The following NBPF12 variants were observed in gnomAD, a reference collection of about 807,000 sequenced individuals.
The protein encoded by NBPF12 is NBPF member 12, also known as NBPF family member NBPF12.
A neutral mutation model predicts 146.4 loss-of-function variants in NBPF12; 115 were observed. The ratio of observed to expected loss-of-function variants is 0.79; its 90% CI spans 0.68 to 0.92. NBPF12 has a LOEUF of 0.92. Among genes scored for constraint, NBPF12 ranks in the 40% least tolerant of loss-of-function variants. NBPF12 has a pLI of 0.00. For synonymous variants in NBPF12, 385 were observed against 508.9 expected, an observed-to-expected ratio of 0.76 and a Z score of 3.28; for missense variants, 1,205 against 1,326.8, an observed-to-expected ratio of 0.91 and a Z score of 1.43.
At chr1:146,976,431 G>A (rs1657026916) in intron 16 of NBPF12, among the ~76,000 whole-genome samples, 2 of 127,326 alleles carry the variant, frequency 1.6e-5, no homozygotes, top group Non-Finnish European at 3.2e-5. Flanking sequence ...GGGGCATTTT[G>A]TGGTAGGAAG....
chr1:146,966,431 A>G (rs1656215347), intron 8 of NBPF12, 33 bp from the exon 12 acceptor site: 4 of 1,334,834 alleles, frequency 3.0e-6, no homozygotes, highest in Non-Finnish European at 4.3e-6. Context: ...ACCAGTTTTT[A>G]ACCCATCATG....
Position 146,940,148 on chromosome 1 carries a change from G to T in NBPF12, c.-822+1166G>T, listed in dbSNP as rs1167925905. ...TGTTCTGAGCTGTTATGCATTAATA[G>T]CTTTCTTTTTGTTTTTGAATTTAAT... On this transcript the variant is annotated intron_variant, in intron 1 of 35. Transcript: ENST00000617931. Among the ~76,000 whole-genome samples the T allele has an allele frequency of 2.0e-5, 3 of 152,024 alleles. No homozygotes were observed. In the East Asian group the frequency reaches 5.8e-4, roughly 29 times the overall value.
upstream of NBPF12, among the ~76,000 whole-genome samples, chr1:146,944,629 T>C (rs1380887241): frequency 6.6e-6 from 1 of 151,736 alleles, no homozygotes. Flanking sequence ...AGGAATAATG[T>C]GTTTCAGGAG....
At chr1:146,962,653 C>T (rs1655929211) in intron 5 of NBPF12, among the ~76,000 whole-genome samples, 1 of 150,838 alleles carries the variant, frequency 6.6e-6, no homozygotes, top group African/African-American at 2.5e-5. Flanking sequence ...TCAATGTTGC[C>T]TTCTTGACCC....
At chr1:146,954,415 G>T (rs1189244289) in intron 2 of NBPF12, among the ~76,000 whole-genome samples, 1 of 109,276 alleles carries the variant, frequency 9.2e-6, no homozygotes, top group African/African-American at 3.3e-5. Context: ...AAAAAAAAAG[G>T]AAAGTCAACA....
chr1:146,970,477 C>T (rs1481530229), intron 11 of NBPF12, among the ~76,000 whole-genome samples, 170 bp from the exon 15 acceptor site: 70 of 151,212 alleles, frequency 4.6e-4, no homozygotes, highest in Admixed American at 4.6e-4. Context: ...AAATGCATTG[C>T]CTGATGGACC....
intron 31 of NBPF12, among the ~76,000 whole-genome samples, chr1:146,992,488 G>T (rs1265562452): frequency 4.3e-5 from 6 of 139,546 alleles, no homozygotes; most frequent in African/African-American, 8.1e-5. Context: ...GTGTGTGTGT[G>T]TGTGTGTGTG....
At chr1:146,944,469 C>A (rs1654932338), upstream of NBPF12, among the ~76,000 whole-genome samples, 1 of 147,290 alleles carries the variant, frequency 6.8e-6, no homozygotes, top group Non-Finnish European at 1.5e-5. Context: ...CTGAGGCCCC[C>A]ACCTGCAGCC....
At chr1:146,963,868 C>T (rs1200178298) in intron 6 of NBPF12, among the ~76,000 whole-genome samples, 9 of 145,890 alleles carry the variant, frequency 6.2e-5, no homozygotes, top group Admixed American at 4.8e-4. Context: ...GGAAGTGCTT[C>T]ACACTGGAGC....
intron 21 of NBPF12, 146 bp downstream of exon 24, chr1:146,984,331 T>C (rs1657579772): frequency 3.1e-6 from 2 of 649,124 alleles, no homozygotes; most frequent in Non-Finnish European, 5.4e-6. Flanking sequence ...TTGGTTCTCA[T>C]TAGAGTAAAT....
At chr1:146,992,434 T>TTCTCTCTCTCTCTCTC (rs139645973) in intron 31 of NBPF12, among the ~76,000 whole-genome samples, 3 of 81,540 alleles carry the variant, frequency 3.7e-5, no homozygotes, top group African/African-American at 1.8e-4. Context: ...ACTGAGCTCG[T>TTCTCTCTCTCTCTCTC]TCTCTCTCTC....
At chr1:146,963,445 C>A in intron 6 of NBPF12, 136 bp downstream of exon 9, 1 of 1,578,704 alleles carries the variant, frequency 6.3e-7, no homozygotes, top group Non-Finnish European at 8.7e-7. Flanking sequence ...ATGATCAGGA[C>A]TTCCTGGGTA....
intron 7 of NBPF12, 100 bp from the exon 11 acceptor site, chr1:146,964,793 C>G: frequency 6.3e-7 from 1 of 1,589,440 alleles, no homozygotes; most frequent in African/African-American, 1.4e-5. Context: ...TTTCTGGGAC[C>G]ACTCTCTTAA....
chr1:146,976,588 G>A (rs1305500911), intron 16 of NBPF12, among the ~76,000 whole-genome samples: 21,733 of 147,888 alleles, frequency 0.15, 1,966 homozygotes, highest in Admixed American at 0.27. Flanking sequence ...AATGCAAACT[G>A]TGACAGGACA....
At chr1:146,964,067 G>A (rs1656032920) in intron 6 of NBPF12, among the ~76,000 whole-genome samples, 1 of 132,234 alleles carries the variant, frequency 7.6e-6, no homozygotes, top group Non-Finnish European at 1.6e-5. Context: ...GCAGGATGGG[G>A]GAGACAGCTG....
At chr1:146,946,740 G>A (rs1449477027), upstream of NBPF12, among the ~76,000 whole-genome samples, 13 of 149,602 alleles carry the variant, frequency 8.7e-5, no homozygotes, top group Admixed American at 6.0e-4. Flanking sequence ...TTTTGGTTTT[G>A]TATTTAAGAA....
At chr1:146,966,476 C>G in exon 9 of NBPF12, 1 of 1,393,402 alleles carries the variant, frequency 7.2e-7, no homozygotes, top group Non-Finnish European at 1.0e-6. Flanking sequence ...CCTGGCCCCA[C>G]CTCTTCTGCC....
chr1:146,942,900 TC>T (rs1292766747), intron 1 of NBPF12, among the ~76,000 whole-genome samples: 1 of 148,262 alleles, frequency 6.7e-6, no homozygotes, highest in Non-Finnish European at 1.5e-5. Flanking sequence ...TATGAAAACT[TC>T]CCTGGCTACT....
Position 146,954,309 on chromosome 1 carries a change from GA to G in NBPF12, c.-184+2822del, listed in dbSNP as rs1452727723. Among the ~76,000 whole-genome samples the G allele has an allele frequency of 5.3e-4, 65 of 123,444 alleles. No homozygotes were observed. The South Asian group carries it at 0.017, about 33-fold the overall frequency. The allele number at this position is 123,444 out of a possible 152,430, so 81.0% of individuals were successfully genotyped here. A position where few individuals can be genotyped will look rare whatever the true frequency, so the allele number is the denominator to read the frequency against. On this transcript the variant is annotated intron_variant, in intron 2 of 33. Coordinates refer to ENST00000617844, the Ensembl canonical transcript of NBPF12. ...GGAGGCTGAGGCAGGAGGATCACTT[GA>G]ACCTGGGAGGCAGAGGTTACAGTGA...
Sources: gnomAD v4.1 joint callset for allele counts (sites outside exome capture counted in the v4.1 genomes callset) on GRCh38, gnomAD v4.1.1 for gene constraint, MANE v1.5 for transcripts, NCBI Gene and HGNC (gene_info 2026-07-23, HGNC 2026-07-21) for gene names.